The following SPTBN4 variants were observed in gnomAD, a reference collection of about 807,000 sequenced individuals.
SPTBN4 encodes spectrin beta, non-erythrocytic 4.
A neutral mutation model predicts 277.8 loss-of-function variants in SPTBN4; 96 were observed. The observed-to-expected ratio is 0.35, with a 90% CI of 0.29 to 0.41. The LOEUF (loss-of-function observed/expected upper bound fraction) is 0.41. Ranked by LOEUF, SPTBN4 falls within the 10% of genes least tolerant of loss-of-function variation. The pLI, the probability that SPTBN4 is intolerant of heterozygous loss-of-function variation, is 1.00. For synonymous variants in SPTBN4, 1,481 were observed against 1,580.3 expected (o/e 0.94, Z 1.49); for missense variants, 3,006 against 3,595.7 (o/e 0.84, Z 4.19).
intron 2 of SPTBN4, among the ~76,000 whole-genome samples, chr19:40,486,260 C>T (rs1410567005): frequency 6.6e-6 from 1 of 152,030 alleles, no homozygotes; most frequent in African/African-American, 2.4e-5. Flanking sequence ...CATTGCATTC[C>T]AGCCTGGGCA....
chr19:40,518,994 A>G (rs1272611023), intron 15 of SPTBN4, among the ~76,000 whole-genome samples: 1 of 152,166 alleles, frequency 6.6e-6, no homozygotes, highest in Non-Finnish European at 1.5e-5. Flanking sequence ...AAATGTACTA[A>G]GAGTGGCATT....
chr19:40,515,872 GCACA>G lies in SPTBN4; in HGVS notation c.2903+449_2903+452del, dbSNP rs528135288. ...ACCCCGTCTCTCTCTCTACGTGCGC[GCACA>G]CACACACACACACACACACACACAA... is the stretch of plus-strand genomic sequence containing the variant. On this transcript the variant is annotated intron_variant, in intron 15 of 35. Transcript: ENST00000598249. The surrounding 1 kb of genome is among the most constrained non-coding windows in gnomAD (Gnocchi z 4.1). Among the ~76,000 whole-genome samples, 1,716 of 136,050 alleles carry G rather than the reference GCACA, an allele frequency of 0.013. 77 individuals are homozygous for G. Among genetic ancestry groups the G allele is most frequent in the African/African-American group, 0.039 (1,394 of 35,534 alleles). The allele number at this position is 136,050 out of a possible 152,430, so 89.3% of individuals were successfully genotyped here. A position where few individuals can be genotyped will look rare whatever the true frequency, so the allele number is the denominator to read the frequency against.
intron 2 of SPTBN4, among the ~76,000 whole-genome samples, chr19:40,485,671 G>T (rs534556832): frequency 2.6e-5 from 4 of 151,856 alleles, no homozygotes; most frequent in African/African-American, 7.2e-5. Context: ...AATCAGATGG[G>T]CATGGTGGCA....
intron 12 of SPTBN4, among the ~76,000 whole-genome samples, chr19:40,504,913 C>A (rs929685460): frequency 2.0e-5 from 3 of 151,592 alleles, no homozygotes; most frequent in African/African-American, 7.3e-5. Flanking sequence ...ACCAGGGATG[C>A]AGACAGAGAG....
At chr19:40,477,045 TATTATC>T (rs1003998205) in intron 2 of SPTBN4, among the ~76,000 whole-genome samples, 9 of 149,128 alleles carry the variant, frequency 6.0e-5, no homozygotes, top group Admixed American at 1.3e-4. Context: ...TTATTATTAT[TATTATC>T]ATTATCATTA....
intron 17 of SPTBN4, among the ~76,000 whole-genome samples, 190 bp downstream of exon 17, chr19:40,523,829 G>A (rs1363865781): frequency 6.6e-6 from 1 of 151,814 alleles, no homozygotes; most frequent in South Asian, 2.1e-4. Context: ...TTTGAGACGG[G>A]GTCTCACTGT....
intron 20 of SPTBN4, among the ~76,000 whole-genome samples, chr19:40,541,605 G>A (rs948027832): frequency 6.6e-6 from 1 of 151,442 alleles, no homozygotes; most frequent in African/African-American, 2.4e-5. Context: ...GTACTGGCTC[G>A]GGGTCTGAGG....
At chr19:40,508,518 C>T (rs1341487779) in intron 13 of SPTBN4, among the ~76,000 whole-genome samples, 1 of 152,136 alleles carries the variant, frequency 6.6e-6, no homozygotes, top group Non-Finnish European at 1.5e-5. Flanking sequence ...GAAACCCCAT[C>T]CCTACTAAAA....
At chr19:40,544,641 G>T (rs2080839966) in intron 20 of SPTBN4, among the ~76,000 whole-genome samples, 1 of 151,558 alleles carries the variant, frequency 6.6e-6, no homozygotes, top group Non-Finnish European at 1.5e-5. Context: ...TAGAGATGGG[G>T]TTTCACCATG....
chr19:40,544,234 C>T (rs1212631810), intron 20 of SPTBN4, among the ~76,000 whole-genome samples: 4 of 151,790 alleles, frequency 2.6e-5, no homozygotes, highest in African/African-American at 9.7e-5. Flanking sequence ...CCTCCGCCTC[C>T]CGGGTTCAAG....
At chr19:40,530,838 T>A (rs2080660646) in intron 18 of SPTBN4, 1 of 151,784 alleles carries the variant, frequency 6.6e-6, no homozygotes, top group Non-Finnish European at 1.5e-5. Context: ...GCGGGGGGAC[T>A]TCTAAGACCA....
Position 40,512,916 on chromosome 19 carries a change from C to T in SPTBN4, c.2127C>T (p.Gly709=), listed in dbSNP as rs996968335. 1.4e-6 allele frequency: 2 copies of T among 1,425,656 alleles called. No individual in the cohort carries two copies. The highest frequency in any genetic ancestry group is 3.0e-5 in the East Asian group (1 of 33,092). 88.3% of individuals were successfully genotyped at this position (1,425,656 alleles called of 1,614,324 possible). A position where few individuals can be genotyped will look rare whatever the true frequency, so the allele number is the denominator to read the frequency against. Residue 709 remains glycine (G), a synonymous_variant, in exon 14 of 36, where the codon GGC becomes GGT. Coordinates refer to ENST00000598249, the MANE Select transcript of SPTBN4 (RefSeq NM_020971.3). ...AQHKILQGEL[G]GRRALLQQAL... ...ACAAGATCCTGCAGGGCGAGCTGGG[C>T]GGGCGGCGAGCGTTGCTGCAGCAGG...
At chr19:40,516,084 A>C (rs1428871331) in intron 15 of SPTBN4, among the ~76,000 whole-genome samples, 5 of 149,182 alleles carry the variant, frequency 3.4e-5, no homozygotes, top group African/African-American at 9.8e-5. Flanking sequence ...ATATATATAC[A>C]AAATTTAGCC....
chr19:40,494,884 T>A lies in SPTBN4; in HGVS notation c.588-13T>A, dbSNP rs1242602646. The A allele has an allele frequency of 6.2e-7, 1 of 1,613,672 alleles. No individual in the cohort carries two copies. The highest frequency in any genetic ancestry group is 8.5e-7 in the Non-Finnish European group (1 of 1,179,796). On this transcript the variant is annotated splice_polypyrimidine_tract_variant and intron_variant, in intron 5 of 35. Transcript: ENST00000598249. ...CCCCATCTCTGCCTCTGTTTCTCCC[T>A]TCACCCTTCCAGTTACCCTGAGGTA...
intron 7 of SPTBN4, 54 bp downstream of exon 7, chr19:40,497,658 A>C: frequency 7.0e-7 from 1 of 1,430,048 alleles, no homozygotes; most frequent in Non-Finnish European, 9.8e-7. Flanking sequence ...TCCCAACCCC[A>C]ATGCCATGTC....
intron 5 of SPTBN4, 101 bp from the exon 6 acceptor site, chr19:40,494,793 TCTC>T: frequency 1.0e-6 from 1 of 986,076 alleles, no homozygotes. Context: ...ACCCCCTCTC[TCTC>T]ATCTTCCTTC....
intron 30 of SPTBN4, 52 bp from the exon 31 acceptor site, chr19:40,567,611 A>AAC: frequency 1.3e-4 from 157 of 1,190,156 alleles, no homozygotes; most frequent in Middle Eastern, 2.4e-4. Context: ...CCTCCCCCTT[A>AAC]CCCCGCCCCG....
rs2081162349 is a variant in SPTBN4, at chr19:40,572,212, G to C, written c.7493+20G>C. 6.3e-7 allele frequency: 1 copy of C among 1,594,446 alleles called. No individual in the cohort carries two copies. Among genetic ancestry groups the C allele is most frequent in the Admixed American group, 1.7e-5 (1 of 58,892 alleles). On this transcript the variant is annotated intron_variant, in intron 34 of 35. Coordinates refer to ENST00000598249, the MANE Select transcript of SPTBN4 (RefSeq NM_020971.3). ...GCTCCAGTGAGCCCCCCAATGGGCA[G>C]GAGGGAGGGATCCAAGGCTCAGCTT... is the stretch of plus-strand genomic sequence containing the variant.
Position 40,557,264 on chromosome 19 carries a change from G to T in SPTBN4, c.5531G>T (p.Arg1844Leu). The change falls in exon 26 of 36, where the codon CGA (arginine) becomes CTA (leucine). Residue 1844 changes from arginine to leucine, a missense_variant. Physicochemically the swap from Arg to Leu is moderately radical, Grantham distance 102 (BLOSUM62 -2). This residue lies in a region of SPTBN4 where 425 missense variants were observed against 594.7 expected (regional missense o/e 0.71). Coordinates refer to ENST00000598249, the MANE Select transcript of SPTBN4 (RefSeq NM_020971.3). ...RELHKFFSDA[R>L]ELQGQIEEKR... ...CTTCATAAGTTCTTCAGTGACGCCC[G>T]AGAGCTTCAGGGACAGATTGAGGAG... 1 of 1,613,682 alleles carries T rather than the reference G, an allele frequency of 6.2e-7. No individual in the cohort carries two copies. The highest frequency in any genetic ancestry group is 8.5e-7 in the Non-Finnish European group (1 of 1,179,872).
Sources: allele counts gnomAD v4.1 joint callset (sites outside exome capture counted in the v4.1 genomes callset), GRCh38; gene constraint gnomAD v4.1.1; regional missense constraint gnomAD v4.1.1; non-coding constraint Gnocchi (gnomAD v3.1); transcripts MANE v1.5; gene names NCBI Gene and HGNC (gene_info 2026-07-23, HGNC 2026-07-21).